The following NEMP2 variants were observed in gnomAD, a reference collection of about 807,000 sequenced individuals.
NEMP2 encodes UPF0571 transmembrane protein.
Under a neutral mutation model 54.2 loss-of-function variants are expected in NEMP2, and 53 were observed. That is an observed-to-expected ratio of 0.98 (90% CI 0.78 to 1.23). The LOEUF is 1.23. Ranked by LOEUF, NEMP2 falls within the 50% of genes most tolerant of loss-of-function variation. The probability of loss-of-function intolerance (pLI) is 0.00; values close to 1 mark genes in which losing one functional copy is unlikely to be tolerated. For synonymous variants in NEMP2, 197 were observed against 190.3 expected, an observed-to-expected ratio of 1.04 and a Z score of -0.29; for missense variants, 455 against 511.3, an observed-to-expected ratio of 0.89 and a Z score of 1.06.
chr2:190,549,206 G>C, the NEMP2 span, among the ~76,000 whole-genome samples: 1 of 152,206 alleles, frequency 6.6e-6, no homozygotes, highest in Non-Finnish European at 1.5e-5. Context: ...GGCTTCCGCA[G>C]ACTTGGGTTT....
At chr2:190,424,036 T>A in the NEMP2 span, among the ~76,000 whole-genome samples, 32 of 152,364 alleles carry the variant, frequency 2.1e-4, no homozygotes, top group South Asian at 6.2e-3. The surrounding 1 kb of genome is among the most constrained non-coding windows in gnomAD (Gnocchi z 5.9). Flanking sequence ...TAGAAACTAA[T>A]CCTTCGCTGG....
chr2:190,438,196 C>T, the NEMP2 span, among the ~76,000 whole-genome samples: 140 of 130,668 alleles, frequency 1.1e-3, no homozygotes, highest in African/African-American at 3.9e-3. The surrounding 1 kb of genome is among the most constrained non-coding windows in gnomAD (Gnocchi z 5.2). Context: ...TAAAATTTCC[C>T]ATGTAATTCT....
chr2:190,429,243 T>C, the NEMP2 span, among the ~76,000 whole-genome samples: 1 of 151,830 alleles, frequency 6.6e-6, no homozygotes, highest in Admixed American at 6.6e-5. Context: ...TGTGTGTGTG[T>C]GTGTGTATAC....
the NEMP2 span, among the ~76,000 whole-genome samples, chr2:190,432,490 C>G: frequency 6.6e-6 from 1 of 152,174 alleles, no homozygotes; most frequent in Non-Finnish European, 1.5e-5. Flanking sequence ...GATCTCGGCT[C>G]TCTGCAACCT....
At chr2:190,591,383 C>T in the NEMP2 span, among the ~76,000 whole-genome samples, 1 of 152,124 alleles carries the variant, frequency 6.6e-6, no homozygotes, top group Non-Finnish European at 1.5e-5. This position sits in a 1 kb window ranked among gnomAD's most constrained non-coding sequence, Gnocchi z 5.4. Context: ...GAAAGCACCT[C>T]TCATGTTTAC....
At chr2:190,429,066 T>G in the NEMP2 span, among the ~76,000 whole-genome samples, 1 of 152,166 alleles carries the variant, frequency 6.6e-6, no homozygotes, top group Non-Finnish European at 1.5e-5. Context: ...GTTGATCATC[T>G]TTTTACATAT....
chr2:190,426,265 A>G, the NEMP2 span, among the ~76,000 whole-genome samples: 1 of 151,908 alleles, frequency 6.6e-6, no homozygotes, highest in Admixed American at 6.6e-5. This position sits in a 1 kb window ranked among gnomAD's most constrained non-coding sequence, Gnocchi z 4.7. Flanking sequence ...AGATTGTGTA[A>G]TTCCTATTGT....
chr2:190,542,443 C>T, the NEMP2 span, among the ~76,000 whole-genome samples: 1 of 152,202 alleles, frequency 6.6e-6, no homozygotes, highest in African/African-American at 2.4e-5. This position sits in a 1 kb window ranked among gnomAD's most constrained non-coding sequence, Gnocchi z 4.6. Flanking sequence ...AACTCCTGAC[C>T]TCAAGTGATC....
the NEMP2 span, among the ~76,000 whole-genome samples, chr2:190,430,898 A>G: frequency 1.1e-5 from 1 of 92,044 alleles, no homozygotes; most frequent in Non-Finnish European, 2.2e-5. Context: ...GACGCTCCTC[A>G]CTTCCCAGAT....
rs1169294939 is a variant in NEMP2 at position 190,531,736 on chromosome 2, C to G, written c.97+2823G>C. ...AAGCTCAATTATCTCCTTTGTAGTA[C>G]TTTTGTCATTTATTAGTTTTCCTAA... is the stretch of plus-strand genomic sequence containing the variant. On this transcript the variant is annotated intron_variant, in intron 1 of 8. Transcript: ENST00000409150. The surrounding 1 kb of genome is among the most constrained non-coding windows in gnomAD (Gnocchi z 4.7). Among the ~76,000 whole-genome samples, 1 of 151,908 alleles carries G rather than the reference C, an allele frequency of 6.6e-6. No homozygotes were observed. Among genetic ancestry groups the G allele is most frequent in the Non-Finnish European group, 1.5e-5 (1 of 67,986 alleles).
chr2:190,640,716 G>A, the NEMP2 span, among the ~76,000 whole-genome samples: 1 of 150,852 alleles, frequency 6.6e-6, no homozygotes, highest in Non-Finnish European at 1.5e-5. Flanking sequence ...GCTCCTAGAA[G>A]GCAGTGTTGA....
the NEMP2 span, among the ~76,000 whole-genome samples, chr2:190,445,468 A>AAAAC: frequency 3.4e-5 from 5 of 146,416 alleles, no homozygotes; most frequent in African/African-American, 1.2e-4. Context: ...AAAAAAAAAA[A>AAAAC]CCCCGACTAT....
rs557697427 is a variant in NEMP2, at chr2:190,516,861, C to T, written c.613-477G>A. On this transcript the variant is annotated intron_variant, in intron 5 of 8. Coordinates refer to ENST00000409150, the MANE Select transcript of NEMP2 (RefSeq NM_001142645.2). ...TTTGCAGCTCTTTGGGAGGCCAAGGCAGGCAGATCGCTGGAGCTCAGGAGT... is the reference window on the plus strand; with the variant it reads ...TTTGCAGCTCTTTGGGAGGCCAAGGTAGGCAGATCGCTGGAGCTCAGGAGT... Among the ~76,000 whole-genome samples the T allele has an allele frequency of 9.2e-5, 14 of 152,182 alleles. No homozygotes were observed. In the East Asian group the frequency reaches 2.7e-3, roughly 29 times the overall value.
rs1691108320 is a variant in NEMP2, at chr2:190,530,573, T to C, written c.97+3986A>G. On this transcript the variant is annotated intron_variant, in intron 1 of 8. Coordinates refer to ENST00000409150, the MANE Select transcript of NEMP2 (RefSeq NM_001142645.2). The surrounding 1 kb of genome is among the most constrained non-coding windows in gnomAD (Gnocchi z 4.6). ...CACTGTTCTCTCTAGAGAGAACAGA[T>C]CTTCCAATCTTAGATTGATTATAAA... 6.6e-6 allele frequency among the ~76,000 whole-genome samples: 1 copy of C among 152,192 alleles called. No homozygotes were observed. The highest frequency in any genetic ancestry group is 6.5e-5 in the Admixed American group (1 of 15,282).
chr2:190,618,598 T>G, the NEMP2 span, among the ~76,000 whole-genome samples: 1 of 152,182 alleles, frequency 6.6e-6, no homozygotes, highest in Non-Finnish European at 1.5e-5. Flanking sequence ...TATTTTTAAT[T>G]GAGACAAGTC....
At chr2:190,577,366 G>A in the NEMP2 span, among the ~76,000 whole-genome samples, 8 of 151,838 alleles carry the variant, frequency 5.3e-5, no homozygotes, top group African/African-American at 9.7e-5. This position sits in a 1 kb window ranked among gnomAD's most constrained non-coding sequence, Gnocchi z 4.8. Flanking sequence ...TATCTATTTC[G>A]CTTAATGTCC....
chr2:190,467,734 G>T, the NEMP2 span, among the ~76,000 whole-genome samples: 4 of 152,108 alleles, frequency 2.6e-5, no homozygotes, highest in Non-Finnish European at 5.9e-5. The surrounding 1 kb of genome is among the most constrained non-coding windows in gnomAD (Gnocchi z 5.5). Context: ...GTTTCTACAT[G>T]TTTAAATGGT....
chr2:190,630,807 G>T, the NEMP2 span, among the ~76,000 whole-genome samples: 1 of 151,764 alleles, frequency 6.6e-6, no homozygotes, highest in African/African-American at 2.4e-5. The surrounding 1 kb of genome is among the most constrained non-coding windows in gnomAD (Gnocchi z 5.5). Context: ...TGAACCTTTT[G>T]AACTAGTAAC....
the NEMP2 span, among the ~76,000 whole-genome samples, chr2:190,430,459 C>T: frequency 2.0e-5 from 3 of 151,068 alleles, no homozygotes; most frequent in South Asian, 2.1e-4. Context: ...CATCTTGCAC[C>T]GCCCTTAATC....
Sources: gnomAD v4.1 joint callset for allele counts (sites outside exome capture counted in the v4.1 genomes callset) on GRCh38, gnomAD v4.1.1 for gene constraint, Gnocchi (gnomAD v3.1) non-coding constraint, MANE v1.5 for transcripts, NCBI Gene and HGNC (gene_info 2026-07-23, HGNC 2026-07-21) for gene names.